Variants in KANSL2 observed in about 807,000 individuals in gnomAD.
The protein encoded by KANSL2 is NSL complex protein NSL2.
In KANSL2, 34 loss-of-function variants were observed where a neutral mutation model predicts 55.6. The observed-to-expected ratio is 0.61, with a 90% CI of 0.46 to 0.81. KANSL2 has a LOEUF of 0.81. KANSL2 is among the 40% of genes least tolerant of loss of function. The pLI, the probability that KANSL2 is intolerant of heterozygous loss-of-function variation, is 0.00. For synonymous variants in KANSL2, 209 were observed against 214.3 expected, an observed-to-expected ratio of 0.98 and a Z score of 0.22; for missense variants, 502 against 609.9, an observed-to-expected ratio of 0.82 and a Z score of 1.86.
intron 4 of KANSL2, among the ~76,000 whole-genome samples, chr12:48,675,256 A>G (rs1295609725): frequency 4.6e-5 from 7 of 151,888 alleles, no homozygotes; most frequent in African/African-American, 1.4e-4. Context: ...AAAGAAAGAA[A>G]TTAGCCGGGC....
At chr12:48,661,813 T>C (rs1939492734) in intron 7 of KANSL2, among the ~76,000 whole-genome samples, 1 of 152,208 alleles carries the variant, frequency 6.6e-6, no homozygotes, top group Admixed American at 6.5e-5. Flanking sequence ...GCAGCATTCC[T>C]GGCCTCTATC....
At chr12:48,676,578 A>G (rs1250485614) in intron 4 of KANSL2, among the ~76,000 whole-genome samples, 1 of 152,084 alleles carries the variant, frequency 6.6e-6, no homozygotes, top group East Asian at 1.9e-4. Context: ...AAATCATTTG[A>G]ACCCGGGAGG....
chr12:48,654,380 T>C, intron 9 of KANSL2: 1 of 781,340 alleles, frequency 1.3e-6, no homozygotes, highest in East Asian at 2.5e-5. Context: ...TGGTGAGCTG[T>C]AGGTTGTTTC....
At chr12:48,674,429 C>T (rs1367714313) in intron 4 of KANSL2, among the ~76,000 whole-genome samples, 2 of 152,138 alleles carry the variant, frequency 1.3e-5, no homozygotes, top group Non-Finnish European at 2.9e-5. Flanking sequence ...GGATTACAGG[C>T]GTGAGCCACT....
At chr12:48,666,343 G>A (rs1939598956) in intron 7 of KANSL2, among the ~76,000 whole-genome samples, 1 of 151,782 alleles carries the variant, frequency 6.6e-6, no homozygotes, top group Non-Finnish European at 1.5e-5. Context: ...CTTAAGCCCA[G>A]CAGTTTGAGA....
rs1457050120 is a variant in KANSL2 at position 48,660,541 on chromosome 12, G to C, written c.1052C>G (p.Pro351Arg). 4.3e-6 allele frequency: 7 copies of C among 1,613,352 alleles called. No individual in the cohort carries two copies. Among genetic ancestry groups the C allele is most frequent in the Non-Finnish European group, 5.1e-6 (6 of 1,179,710 alleles). Reference protein sequence around the residue: ...SEEVPCNKPVPVSLSEDPCCP... With the variant: ...SEEVPCNKPVRVSLSEDPCCP... ...GCAGGGATCCTCAGAGAGGCTTACA[G>C]GAACAGGTTTGTTGCAGGGTACCTC... Residue 351 changes from proline (P) to arginine (R), a missense_variant, in exon 8 of 10, where the codon CCT becomes CGT. Physicochemically the swap from Pro to Arg is moderately radical, Grantham distance 103. Transcript: ENST00000420613.
intron 7 of KANSL2, among the ~76,000 whole-genome samples, chr12:48,665,629 G>T (rs1939583144): frequency 6.6e-6 from 1 of 152,142 alleles, no homozygotes; most frequent in Non-Finnish European, 1.5e-5. Flanking sequence ...CCAAGCAAAT[G>T]AAATCCAGCA....
intron 7 of KANSL2, among the ~76,000 whole-genome samples, chr12:48,664,642 C>T (rs1939557319): frequency 7.6e-6 from 1 of 131,862 alleles, no homozygotes; most frequent in Admixed American, 9.0e-5. Flanking sequence ...AGTGCAGTGG[C>T]GTGAACTCCT....
intron 7 of KANSL2, among the ~76,000 whole-genome samples, chr12:48,666,270 G>A (rs1053538519): frequency 5.3e-5 from 8 of 151,870 alleles, no homozygotes; most frequent in African/African-American, 1.9e-4. Context: ...AGTTTATAAA[G>A]GCCAGGTACA....
intron 7 of KANSL2, among the ~76,000 whole-genome samples, chr12:48,665,024 C>T (rs972466775): frequency 7.4e-4 from 113 of 151,698 alleles, no homozygotes; most frequent in African/African-American, 2.6e-3. Context: ...CACATGCCAT[C>T]GTGACCAGAT....
At chr12:48,682,016 G>A (rs1939938407) in intron 1 of KANSL2, 171 bp downstream of exon 1, 2 of 703,012 alleles carry the variant, frequency 2.8e-6, no homozygotes, top group Non-Finnish European at 5.2e-6. Context: ...CTATGCGAGC[G>A]CCATTTTGTC....
chr12:48,661,845 C>T (rs943836182), intron 7 of KANSL2, among the ~76,000 whole-genome samples: 9 of 152,128 alleles, frequency 5.9e-5, no homozygotes, highest in African/African-American at 2.2e-4. Context: ...AGTAGCACCT[C>T]CATCTGAGTT....
At chr12:48,654,314 A>G (rs1163655339) in intron 9 of KANSL2, 139 bp from the exon 10 acceptor site, 1 of 933,310 alleles carries the variant, frequency 1.1e-6, no homozygotes, top group Non-Finnish European at 1.8e-6. Context: ...TGCTCTTCCC[A>G]TATTAGCTAT....
At chr12:48,675,501 A>G (rs1377537570) in intron 4 of KANSL2, among the ~76,000 whole-genome samples, 3 of 152,220 alleles carry the variant, frequency 2.0e-5, no homozygotes, top group African/African-American at 7.2e-5. Flanking sequence ...TAAAATACTG[A>G]GGCCTTAACC....
In KANSL2 at chr12:48,679,099, G is replaced by A; in HGVS notation, c.482C>T (p.Thr161Ile). The change falls in exon 4 of 10, where the codon ACA (threonine) becomes ATA (isoleucine). Residue 161 changes from threonine (T) to isoleucine (I), a missense_variant. Thr to Ile is a moderately conservative substitution (Grantham distance 89, BLOSUM62 -1). Coordinates refer to ENST00000420613, the MANE Select transcript of KANSL2 (RefSeq NM_017822.4). The part of the protein sequence containing the change: ...GEQEPITVDQ[T>I]WRGDPDSEAD... ...TTCACTGTCAGGGTCACCTCTCCATGTCTGATCCACAGTAATGGGTTCCTG... is the reference window on the plus strand; with the variant it reads ...TTCACTGTCAGGGTCACCTCTCCATATCTGATCCACAGTAATGGGTTCCTG... 1.2e-6 allele frequency: 2 copies of A among 1,613,880 alleles called. No individual in the cohort carries two copies. Among genetic ancestry groups the A allele is most frequent in the Non-Finnish European group, 1.7e-6 (2 of 1,179,856 alleles).
chr12:48,672,433 A>ATATATATATATATTT (rs371918890), intron 4 of KANSL2, among the ~76,000 whole-genome samples: 1 of 120,384 alleles, frequency 8.3e-6, no homozygotes, highest in African/African-American at 3.6e-5. Flanking sequence ...ATATATATAT[A>ATATATATATATATTT]TTTTTTTTTT....
At chr12:48,664,020 T>A (rs1939541357) in intron 7 of KANSL2, among the ~76,000 whole-genome samples, 1 of 148,540 alleles carries the variant, frequency 6.7e-6, no homozygotes, top group Non-Finnish European at 1.5e-5. Context: ...GTTCAAGCGA[T>A]TCTCCTGCCT....
At chr12:48,665,891 C>T (rs941757584) in intron 7 of KANSL2, among the ~76,000 whole-genome samples, 2 of 152,128 alleles carry the variant, frequency 1.3e-5, no homozygotes, top group Non-Finnish European at 2.9e-5. Flanking sequence ...AAGTTAGAGG[C>T]CAGGCACAGT....
In KANSL2 at chr12:48,679,749, A is replaced by C. The variant is rs542874263; in HGVS notation, c.336T>G (p.Gly112=). 1 of 1,610,808 alleles carries C rather than the reference A, an allele frequency of 6.2e-7. No homozygotes were observed. Among genetic ancestry groups the C allele is most frequent in the Admixed American group, 1.7e-5 (1 of 59,504 alleles). ...AGCTCAGCTGGCACAGGAGTGTTTC[A>C]CCCACAGGCCCTGGGTTGGTCTTCT... ...QMKKTNPGPV[G]ETLLCQLSSY... Residue 112 remains glycine, a synonymous_variant, in exon 3 of 10, where the codon GGT becomes GGG. Transcript: ENST00000420613.
Sources: gnomAD v4.1 joint callset for allele counts (sites outside exome capture counted in the v4.1 genomes callset) on GRCh38, gnomAD v4.1.1 for gene constraint, MANE v1.5 for transcripts, NCBI Gene and HGNC (gene_info 2026-07-23, HGNC 2026-07-21) for gene names.